BLTP2: variants seen among roughly 807,000 people sequenced by gnomAD.
BLTP2 encodes the protein U937-associated antigen.
the BLTP2 span, chr17:28,642,297 T>C: frequency 2.5e-6 from 4 of 1,614,208 alleles, no homozygotes; most frequent in South Asian, 1.1e-5. Context: ...CTTTAGAACT[T>C]TGCTGTTGAT....
chr17:28,641,828 C>T, the BLTP2 span: 1 of 1,456,346 alleles, frequency 6.9e-7, no homozygotes, highest in Admixed American at 2.0e-5. Flanking sequence ...ACTATTTTTT[C>T]TACTTCCAAA....
the BLTP2 span, chr17:28,639,578 C>G: frequency 6.2e-7 from 1 of 1,614,052 alleles, no homozygotes. Context: ...ATCACACCTG[C>G]ACACTAGCCT....
At chr17:28,632,893 C>G in the BLTP2 span, 1 of 1,387,178 alleles carries the variant, frequency 7.2e-7, no homozygotes, top group South Asian at 1.6e-5. Flanking sequence ...AGCATCCATG[C>G]CCGTCCTCCC....
the BLTP2 span, among the ~76,000 whole-genome samples, chr17:28,620,790 T>C: frequency 6.6e-6 from 1 of 152,106 alleles, no homozygotes; most frequent in East Asian, 1.9e-4. Context: ...TCATAAACAA[T>C]GCCCATTCAT....
chr17:28,639,336 A>G, the BLTP2 span: 1 of 1,614,170 alleles, frequency 6.2e-7, no homozygotes, highest in Non-Finnish European at 8.5e-7. Context: ...TTGCTTTAGA[A>G]CAGGTGAACT....
the BLTP2 span, chr17:28,637,001 G>A: frequency 3.7e-6 from 6 of 1,614,178 alleles, no homozygotes; most frequent in African/African-American, 1.3e-5. Flanking sequence ...AGGTGATGGA[G>A]AGCATGGAAA....
chr17:28,637,094 A>C, the BLTP2 span: 355 of 1,614,088 alleles, frequency 2.2e-4, no homozygotes, highest in African/African-American at 4.4e-3. Context: ...GCGCTAACAC[A>C]AGTCCTTGAA....
the BLTP2 span, chr17:28,628,686 G>A: frequency 1.3e-6 from 1 of 787,294 alleles, no homozygotes; most frequent in South Asian, 1.8e-5. Flanking sequence ...CGTAATCCCA[G>A]CACTTTGGGA....
chr17:28,624,270 T>C, the BLTP2 span: 4 of 1,614,116 alleles, frequency 2.5e-6, no homozygotes, highest in Non-Finnish European at 3.4e-6. Context: ...GTTTCGGTTG[T>C]ATATGTCATC....
the BLTP2 span, chr17:28,614,540 C>G: frequency 5.6e-6 from 1 of 179,370 alleles, no homozygotes; most frequent in Non-Finnish European, 1.2e-5. Flanking sequence ...ATGGCCAGCC[C>G]TGGCTCCTAC....
At chr17:28,631,535 G>C in the BLTP2 span, 1 of 1,614,156 alleles carries the variant, frequency 6.2e-7, no homozygotes, top group South Asian at 1.1e-5. Context: ...AAGCTCAGCA[G>C]GTGGGTCTTT....
the BLTP2 span, chr17:28,619,890 C>A: frequency 4.3e-6 from 7 of 1,613,896 alleles, no homozygotes; most frequent in Admixed American, 3.3e-5. Context: ...GCTTCTCCAG[C>A]TGTCGTATTT....
At chr17:28,643,333 C>T in the BLTP2 span, 1 of 1,613,346 alleles carries the variant, frequency 6.2e-7, no homozygotes, top group Non-Finnish European at 8.5e-7. Flanking sequence ...AGAAATCTCA[C>T]TGCCACCAGG....
the BLTP2 span, chr17:28,634,492 T>C: frequency 2.5e-6 from 4 of 1,593,694 alleles, no homozygotes; most frequent in Non-Finnish European, 3.4e-6. Flanking sequence ...ACACGGGGTC[T>C]GCAAATAAAG....
At chr17:28,645,003 G>A in the BLTP2 span, 2 of 1,591,044 alleles carry the variant, frequency 1.3e-6, no homozygotes, top group East Asian at 2.3e-5. Context: ...CTAGAAAGAG[G>A]GCGCTAAGCG....
chr17:28,633,847 C>T, the BLTP2 span: 15 of 1,605,152 alleles, frequency 9.3e-6, no homozygotes, highest in Non-Finnish European at 1.3e-5. Context: ...CCCATTTCAC[C>T]CATCACAAAC....
chr17:28,618,828 A>G, the BLTP2 span: 2 of 1,613,980 alleles, frequency 1.2e-6, no homozygotes, highest in South Asian at 1.1e-5. Flanking sequence ...TAATTCAGCA[A>G]TTCCCAGCTG....
At chr17:28,632,072 T>C in the BLTP2 span, 1 of 1,614,038 alleles carries the variant, frequency 6.2e-7, no homozygotes, top group Non-Finnish European at 8.5e-7. Flanking sequence ...AAGAGGGCTG[T>C]ATAGGAAAGT....
chr17:28,628,564 G>A, the BLTP2 span: 1 of 1,611,814 alleles, frequency 6.2e-7, no homozygotes, highest in South Asian at 1.1e-5. Context: ...GAGCTCCTAA[G>A]AAACAGGAAA....
Sources: gnomAD v4.1 joint callset for allele counts (sites outside exome capture counted in the v4.1 genomes callset) on GRCh38, gnomAD v4.1.1 for gene constraint, MANE v1.5 for transcripts, NCBI Gene and HGNC (gene_info 2026-07-23, HGNC 2026-07-21) for gene names.